The following RNF11 variants were observed in gnomAD, a reference collection of about 807,000 sequenced individuals.
The protein encoded by RNF11 is ring finger protein 11.
In RNF11, 4 loss-of-function variants were observed where a neutral mutation model predicts 15.8. The observed-to-expected ratio is 0.25, with a 90% confidence interval of 0.12 to 0.58. RNF11 has a LOEUF of 0.58. Among genes scored for constraint, RNF11 ranks in the 20% least tolerant of loss-of-function variants. The pLI, the probability that RNF11 is intolerant of heterozygous loss-of-function variation, is 0.91. For synonymous variants in RNF11, 68 were observed against 72.3 expected, an observed-to-expected ratio of 0.94 and a Z score of 0.30; for missense variants, 139 against 194.4, an observed-to-expected ratio of 0.71 and a Z score of 1.70.
intron 1 of RNF11, among the ~76,000 whole-genome samples, chr1:51,264,287 A>ATATATATAT (rs1248532023): frequency 6.1e-5 from 2 of 32,532 alleles, no homozygotes; most frequent in African/African-American, 1.0e-4. Context: ...AAAAAAAAAA[A>ATATATATAT]ATATATATAT....
chr1:51,272,502 A>G lies in RNF11; in HGVS notation c.*1180A>G, dbSNP rs1022354673. ...ACACAAACGCAGAATTTGTATAACC[A>G]TATGACTTCATAGTTGTGATCTCAA... On this transcript the variant is annotated 3_prime_UTR_variant, in exon 3 of 3. Transcript: ENST00000242719. 6.6e-6 allele frequency: 1 copy of G among 152,630 alleles called. No homozygotes were observed. The highest frequency in any genetic ancestry group is 6.5e-5 in the Admixed American group (1 of 15,284). 9.5% of individuals were successfully genotyped at this position (152,630 alleles called of 1,614,324 possible).
chr1:51,251,042 C>T (rs35557003), intron 1 of RNF11: 81,788 of 1,523,152 alleles, frequency 0.054, 2,607 homozygotes, highest in Non-Finnish European at 0.061. Flanking sequence ...CGGTGGCCAC[C>T]TCCTTGGAGC....
At chr1:51,260,282 T>C (rs1174128565) in intron 1 of RNF11, among the ~76,000 whole-genome samples, 1 of 152,248 alleles carries the variant, frequency 6.6e-6, no homozygotes, top group Non-Finnish European at 1.5e-5. Context: ...GCAACCTTGC[T>C]GAATTCATTT....
rs556894008 is a variant in RNF11 at position 51,237,045 on chromosome 1, G to A, written c.123+166G>A. 5.3e-5 allele frequency among the ~76,000 whole-genome samples: 8 copies of A among 152,286 alleles called. No homozygotes were observed. In the South Asian group the frequency reaches 1.7e-3, roughly 32 times the overall value. On this transcript the variant is annotated intron_variant, in intron 1 of 2. Coordinates refer to ENST00000242719, the MANE Select transcript of RNF11 (RefSeq NM_014372.5). ...ATTTGCTCTCTGATCTCAGAGTAAG[G>A]TTGATTCTTCGCCTGCCCTCGGGCA...
intron 1 of RNF11, among the ~76,000 whole-genome samples, chr1:51,268,508 T>C (rs1646964782): frequency 6.6e-6 from 1 of 152,212 alleles, no homozygotes; most frequent in South Asian, 2.1e-4. Context: ...CTGTTCTGCT[T>C]TCTGTGTTCT....
chr1:51,243,475 G>C (rs1178633735), intron 1 of RNF11, among the ~76,000 whole-genome samples: 2 of 152,102 alleles, frequency 1.3e-5, no homozygotes, highest in East Asian at 3.8e-4. Context: ...TCTTCACTCT[G>C]TTGCCCAGGC....
chr1:51,268,714 A>G (rs616055), intron 1 of RNF11, among the ~76,000 whole-genome samples: 17,058 of 152,286 alleles, frequency 0.11, 1,265 homozygotes, highest in South Asian at 0.23. Flanking sequence ...AAACTGGTCA[A>G]CTAGGACTGA....
Position 51,250,950 on chromosome 1 carries a change from G to A in RNF11, c.123+14071G>A, listed in dbSNP as rs1191214327. The A allele has an allele frequency of 3.9e-6, 5 of 1,279,304 alleles. No homozygotes were observed. In the African/African-American group the frequency reaches 4.4e-5, roughly 11 times the overall value. 79.2% of individuals were successfully genotyped at this position (1,279,304 alleles called of 1,614,324 possible). ...TGTCACCTTGCAAGGGACGGTGTGG[G>A]GCTTGCCAATCTTGTTCCCCCAGTA... On this transcript the variant is annotated intron_variant, in intron 1 of 2. Transcript: ENST00000242719.
chr1:51,247,228 G>A (rs1273569794), intron 1 of RNF11, among the ~76,000 whole-genome samples: 4 of 151,584 alleles, frequency 2.6e-5, no homozygotes, highest in Non-Finnish European at 4.4e-5. Context: ...TTTTAGAGAC[G>A]GGGTTTCACC....
Position 51,272,345 on chromosome 1 carries a change from A to C in RNF11, c.*1023A>C, listed in dbSNP as rs1371715798. ...AGGATACTGCATCTCTCATTACTGT[A>C]GTGCTGAGGTTATTGAAGTTATACA... On this transcript the variant is annotated 3_prime_UTR_variant, in exon 3 of 3. Transcript: ENST00000242719. The C allele has an allele frequency of 5.2e-5, 8 of 152,596 alleles. No individual in the cohort carries two copies. Among genetic ancestry groups the C allele is most frequent in the Admixed American group, 2.6e-4 (4 of 15,268 alleles). The allele number at this position is 152,596 out of a possible 1,614,324, so 9.5% of individuals were successfully genotyped here.
At chr1:51,251,608 ATT>A (rs954619000) in intron 1 of RNF11, 1 of 517,802 alleles carries the variant, frequency 1.9e-6, no homozygotes, top group African/African-American at 2.0e-5. Context: ...CCATTTTATC[ATT>A]TACTACCGTA....
At chr1:51,257,721 G>A (rs1646910686) in intron 1 of RNF11, among the ~76,000 whole-genome samples, 1 of 151,856 alleles carries the variant, frequency 6.6e-6, no homozygotes, top group Non-Finnish European at 1.5e-5. Context: ...GCCTCCCAAA[G>A]TGCTGGGATT....
intron 1 of RNF11, among the ~76,000 whole-genome samples, chr1:51,261,649 C>A (rs905722187): frequency 6.6e-6 from 1 of 151,800 alleles, no homozygotes; most frequent in African/African-American, 2.4e-5. Context: ...AAGTGATTCT[C>A]CTGCCTCAGC....
chr1:51,268,021 A>G (rs553076740), intron 1 of RNF11, among the ~76,000 whole-genome samples: 20 of 152,292 alleles, frequency 1.3e-4, no homozygotes, highest in African/African-American at 4.6e-4. Flanking sequence ...ATGAGCTACC[A>G]TGCCCAGCCA....
intron 1 of RNF11, among the ~76,000 whole-genome samples, chr1:51,259,333 T>A (rs1158863343): frequency 6.6e-6 from 1 of 152,216 alleles, no homozygotes; most frequent in East Asian, 1.9e-4. Context: ...TAACCTCAGT[T>A]AGGTCCTTAA....
intron 1 of RNF11, among the ~76,000 whole-genome samples, chr1:51,257,848 C>CTTTTTTTTTTTTTTTT (rs201557519): frequency 1.5e-4 from 13 of 84,920 alleles, no homozygotes; most frequent in African/African-American, 3.2e-4. Flanking sequence ...CTTTTCTTTT[C>CTTTTTTTTTTTTTTTT]TTTTCTTTTT....
intron 1 of RNF11, chr1:51,266,051 T>G (rs967458059): frequency 1.3e-5 from 2 of 152,146 alleles, no homozygotes; most frequent in African/African-American, 4.8e-5. Flanking sequence ...TTTTGTCTGT[T>G]ATGCTGATGA....
chr1:51,260,790 C>G (rs1646927484), intron 1 of RNF11, among the ~76,000 whole-genome samples: 1 of 152,128 alleles, frequency 6.6e-6, no homozygotes, highest in Non-Finnish European at 1.5e-5. Flanking sequence ...GATACTCAAG[C>G]TCATCACAGT....
At chr1:51,245,398 C>T (rs1397260573) in intron 1 of RNF11, among the ~76,000 whole-genome samples, 1 of 152,092 alleles carries the variant, frequency 6.6e-6, no homozygotes, top group Admixed American at 6.6e-5. Context: ...AGCAGTCCAC[C>T]CACCTCGGCC....
Sources: gnomAD v4.1 joint callset for allele counts (sites outside exome capture counted in the v4.1 genomes callset) on GRCh38, gnomAD v4.1.1 for gene constraint, MANE v1.5 for transcripts, NCBI Gene and HGNC (gene_info 2026-07-23, HGNC 2026-07-21) for gene names.